Variants in NLRP2B observed in about 807,000 individuals in gnomAD.
NLRP2B encodes NLR family pyrin domain-containing protein 2B.
For synonymous variants in NLRP2B, 16 were observed against 3.5 expected (o/e 4.63, Z -4.03); for missense variants, 25 against 6.8 (o/e 3.70, Z -3.00).
rs906151181 is a variant in NLRP2B at position 57,678,339 on chromosome X, T to C, written c.*1784A>G. The C allele has an allele frequency of 2.6e-5, 14 of 535,952 alleles. No homozygotes were observed. Among genetic ancestry groups the C allele is most frequent in the Non-Finnish European group, 4.8e-5 (14 of 290,662 alleles). The allele number at this position is 535,952 out of a possible 1,213,427, so 44.2% of individuals were successfully genotyped here. The stretch of plus-strand genomic sequence containing the variant: ...AGTTTCGACAATGCTTGAGGCAGAT[T>C]GAAAACAGCATAATGTCTACTGCAT... On this transcript the variant is annotated 3_prime_UTR_variant, in exon 1 of 1. Transcript: ENST00000434992.
At position 57,678,693 on chromosome X, in the gene NLRP2B, G is replaced by C. The variant is rs766065358; in HGVS notation, c.*1430C>G. The C allele has an allele frequency of 3.5e-5, 14 of 398,543 alleles. No individual in the cohort carries two copies. Among genetic ancestry groups the C allele is most frequent in the African/African-American group, 7.6e-5 (3 of 39,410 alleles). 32.8% of individuals were successfully genotyped at this position (398,543 alleles called of 1,213,427 possible). On this transcript the variant is annotated 3_prime_UTR_variant, in exon 1 of 1. Coordinates refer to ENST00000434992, the MANE Select transcript of NLRP2B (RefSeq NM_001319967.1). ...CATTGTCCCAGGCGTGGCCGTCCTT[G>C]TCCTCCTCCTCCTCCTCCTCCTCCT...
At position 57,677,843 on chromosome X, in the gene NLRP2B, G is replaced by A. The variant is rs1014900264; in HGVS notation, c.*2280C>T. On this transcript the variant is annotated 3_prime_UTR_variant, in exon 1 of 1. Transcript: ENST00000434992. Reference sequence around the variant, plus strand: ...CATGTCAGGGACTGGTTGACTTCAAGGGCCAAGGAGAGATCAGCCCATTGC... The same window carrying A: ...CATGTCAGGGACTGGTTGACTTCAAAGGCCAAGGAGAGATCAGCCCATTGC... 2 of 426,445 alleles carry A rather than the reference G, an allele frequency of 4.7e-6. No homozygotes were observed. The highest frequency in any genetic ancestry group is 4.9e-5 in the African/African-American group (2 of 40,697). The allele number at this position is 426,445 out of a possible 1,213,427, so 35.1% of individuals were successfully genotyped here.
In NLRP2B at chrX:57,677,660, C is replaced by T. The variant is rs968691503; in HGVS notation, c.*2463G>A. 8.5e-5 allele frequency: 28 copies of T among 329,934 alleles called. No individual in the cohort carries two copies. Among genetic ancestry groups the T allele is most frequent in the African/African-American group, 4.2e-4 (16 of 37,822 alleles). 27.2% of individuals were successfully genotyped at this position (329,934 alleles called of 1,213,427 possible). ...GCCAAGCACAGGTGTGTCAGCTCCCCGCTGACAACCAAAACAGCAGCAAAG... is the reference window on the plus strand; with the variant it reads ...GCCAAGCACAGGTGTGTCAGCTCCCTGCTGACAACCAAAACAGCAGCAAAG... On this transcript the variant is annotated 3_prime_UTR_variant, in exon 1 of 1. Coordinates refer to ENST00000434992, the MANE Select transcript of NLRP2B (RefSeq NM_001319967.1).
At position 57,679,540 on chromosome X, in the gene NLRP2B, G is replaced by T. The variant is rs1223214946; in HGVS notation, c.*583C>A. 17 of 620,518 alleles carry T rather than the reference G, an allele frequency of 2.7e-5. No individual in the cohort carries two copies. In the East Asian group the frequency reaches 3.6e-4, roughly 13 times the overall value. The allele number at this position is 620,518 out of a possible 1,213,427, so 51.1% of individuals were successfully genotyped here. On this transcript the variant is annotated 3_prime_UTR_variant, in exon 1 of 1. Coordinates refer to ENST00000434992, the MANE Select transcript of NLRP2B (RefSeq NM_001319967.1). ...GAGCTCCTTGCAGGTGAGGTAGAAA[G>T]CCTATCTAAATTTCTGGCTGAGGTT...
chrX:57,678,456 C>T lies in NLRP2B; in HGVS notation c.*1667G>A, dbSNP rs765718741. On this transcript the variant is annotated 3_prime_UTR_variant, in exon 1 of 1. Coordinates refer to ENST00000434992, the MANE Select transcript of NLRP2B (RefSeq NM_001319967.1). ...CGTACAGACAGCACAAGAGCTCCTT[C>T]GGGTTCATCATTGTTGAGTGTCCAA... is the stretch of plus-strand genomic sequence containing the variant. The T allele has an allele frequency of 1.7e-4, 86 of 517,902 alleles. No homozygotes were observed. The highest frequency in any genetic ancestry group is 2.7e-4 in the Non-Finnish European group (76 of 281,754). The allele number at this position is 517,902 out of a possible 1,213,427, so 42.7% of individuals were successfully genotyped here.
In NLRP2B at chrX:57,680,223, G is replaced by A; in HGVS notation, c.38C>T (p.Ala13Val). Residue 13 changes from alanine to valine, a missense_variant, in exon 1 of 1, where the codon GCT becomes GTT. By Grantham distance (64) the Ala-to-Val change is moderately conservative (BLOSUM62 0). Coordinates refer to ENST00000434992, the MANE Select transcript of NLRP2B (RefSeq NM_001319967.1). Reference protein sequence around the residue: ...SSAQLDFNLQALLGQLSQDDL... With the variant: ...SSAQLDFNLQVLLGQLSQDDL... ...ATCCTGGCTGAGCTGTCCCAGAAGA[G>A]CCTGCAGGTTGAAGTCCAGCTGTGC... 2.6e-6 allele frequency: 1 copy of A among 377,726 alleles called. No individual in the cohort carries two copies. 31.1% of individuals were successfully genotyped at this position (377,726 alleles called of 1,213,427 possible). A position where few individuals can be genotyped will look rare whatever the true frequency, so the allele number is the denominator to read the frequency against.
rs1310559770 is a variant in NLRP2B, at chrX:57,677,274, C to A, written c.*2849G>T. ...CAAACAGCATCTTTACTCCACTAGA[C>A]CCCAAGGGATTCTGGCTCAGGTCCA... On this transcript the variant is annotated 3_prime_UTR_variant, in exon 1 of 1. Transcript: ENST00000434992. The A allele has an allele frequency of 2.6e-6, 1 of 386,900 alleles. No individual in the cohort carries two copies. The highest frequency in any genetic ancestry group is 2.6e-5 in the African/African-American group (1 of 38,868). The allele number at this position is 386,900 out of a possible 1,213,427, so 31.9% of individuals were successfully genotyped here.
In NLRP2B at chrX:57,677,203, T is replaced by G; in HGVS notation, c.*2920A>C. The G allele has an allele frequency of 8.0e-6, 3 of 375,513 alleles. No individual in the cohort carries two copies. Among genetic ancestry groups the G allele is most frequent in the Non-Finnish European group, 1.6e-5 (3 of 190,381 alleles). The allele number at this position is 375,513 out of a possible 1,213,427, so 30.9% of individuals were successfully genotyped here. A position where few individuals can be genotyped will look rare whatever the true frequency, so the allele number is the denominator to read the frequency against. ...GAGTTCAACATTAAAGTCATCTATTTTCAACCTGAGTGTCTGGAGGGTGCA... is the reference window on the plus strand; with the variant it reads ...GAGTTCAACATTAAAGTCATCTATTGTCAACCTGAGTGTCTGGAGGGTGCA... On this transcript the variant is annotated 3_prime_UTR_variant, in exon 1 of 1. Transcript: ENST00000434992.
In NLRP2B at chrX:57,678,690, C is replaced by T. The variant is rs773054261; in HGVS notation, c.*1433G>A. On this transcript the variant is annotated 3_prime_UTR_variant, in exon 1 of 1. Transcript: ENST00000434992. ...CTCCATTGTCCCAGGCGTGGCCGTC[C>T]TTGTCCTCCTCCTCCTCCTCCTCCT... 2.4e-5 allele frequency: 10 copies of T among 411,611 alleles called. No individual in the cohort carries two copies. In the African/African-American group the frequency reaches 2.5e-4, roughly 10 times the overall value. 33.9% of individuals were successfully genotyped at this position (411,611 alleles called of 1,213,427 possible).
In NLRP2B at chrX:57,678,724, A is replaced by G. The variant is rs770274033; in HGVS notation, c.*1399T>C. 2 of 396,236 alleles carry G rather than the reference A, an allele frequency of 5.0e-6. No homozygotes were observed. The highest frequency in any genetic ancestry group is 3.3e-5 in the Admixed American group (1 of 30,580). The allele number at this position is 396,236 out of a possible 1,213,427, so 32.7% of individuals were successfully genotyped here. A position where few individuals can be genotyped will look rare whatever the true frequency, so the allele number is the denominator to read the frequency against. On this transcript the variant is annotated 3_prime_UTR_variant, in exon 1 of 1. Transcript: ENST00000434992. The stretch of plus-strand genomic sequence containing the variant: ...CTCCTCCTCCTCCTCCTCCTTCTCC[A>G]GGGCGTGGAACAGCACAGTGAAAAA...
chrX:57,678,325 T>C lies in NLRP2B; in HGVS notation c.*1798A>G. 2 of 541,293 alleles carry C rather than the reference T, an allele frequency of 3.7e-6. No individual in the cohort carries two copies. The highest frequency in any genetic ancestry group is 3.4e-6 in the Non-Finnish European group (1 of 292,783). 44.6% of individuals were successfully genotyped at this position (541,293 alleles called of 1,213,427 possible). On this transcript the variant is annotated 3_prime_UTR_variant, in exon 1 of 1. Transcript: ENST00000434992. Reference sequence around the variant, plus strand: ...TGGCATTTTCTGCAAGTTTCGACAATGCTTGAGGCAGATTGAAAACAGCAT... The same window carrying C: ...TGGCATTTTCTGCAAGTTTCGACAACGCTTGAGGCAGATTGAAAACAGCAT...
chrX:57,679,208 G>T lies in NLRP2B; in HGVS notation c.*915C>A. 2.2e-6 allele frequency: 1 copy of T among 450,519 alleles called. No individual in the cohort carries two copies. The highest frequency in any genetic ancestry group is 4.1e-6 in the Non-Finnish European group (1 of 244,350). 37.1% of individuals were successfully genotyped at this position (450,519 alleles called of 1,213,427 possible). Reference sequence around the variant, plus strand: ...CCAGGAACTCCTCCACCCTTACATAGATCGGCCGCTCCACCAACAGCCGGA... The same window carrying T: ...CCAGGAACTCCTCCACCCTTACATATATCGGCCGCTCCACCAACAGCCGGA... On this transcript the variant is annotated 3_prime_UTR_variant, in exon 1 of 1. Coordinates refer to ENST00000434992, the MANE Select transcript of NLRP2B (RefSeq NM_001319967.1).
chrX:57,679,356 G>A lies in NLRP2B; in HGVS notation c.*767C>T. On this transcript the variant is annotated 3_prime_UTR_variant, in exon 1 of 1. Transcript: ENST00000434992. ...TCTGCTTCTCCCAGTCCCCACAGATGTCCTAGATCAGTGCCCCAGGTGGGG... is the reference window on the plus strand; with the variant it reads ...TCTGCTTCTCCCAGTCCCCACAGATATCCTAGATCAGTGCCCCAGGTGGGG... The A allele has an allele frequency of 4.7e-6, 3 of 639,175 alleles. No individual in the cohort carries two copies. Among genetic ancestry groups the A allele is most frequent in the Non-Finnish European group, 7.7e-6 (3 of 387,321 alleles). 52.7% of individuals were successfully genotyped at this position (639,175 alleles called of 1,213,427 possible).
chrX:57,679,674 G>A lies in NLRP2B; in HGVS notation c.*449C>T, dbSNP rs2011752861. On this transcript the variant is annotated 3_prime_UTR_variant, in exon 1 of 1. Coordinates refer to ENST00000434992, the MANE Select transcript of NLRP2B (RefSeq NM_001319967.1). ...GGCAGGGCCCGGGAAGCACCCTGGG[G>A]TTGCTGAACGGGATCAGCATCTTGT... The A allele has an allele frequency of 8.9e-6, 4 of 450,135 alleles. No homozygotes were observed. The South Asian group carries it at 1.2e-4, about 14-fold the overall frequency. 37.1% of individuals were successfully genotyped at this position (450,135 alleles called of 1,213,427 possible). A position where few individuals can be genotyped will look rare whatever the true frequency, so the allele number is the denominator to read the frequency against.
In NLRP2B at chrX:57,678,239, C is replaced by A; in HGVS notation, c.*1884G>T. 1 of 536,667 alleles carries A rather than the reference C, an allele frequency of 1.9e-6. No individual in the cohort carries two copies. Among genetic ancestry groups the A allele is most frequent in the Non-Finnish European group, 3.4e-6 (1 of 292,502 alleles). 44.2% of individuals were successfully genotyped at this position (536,667 alleles called of 1,213,427 possible). A position where few individuals can be genotyped will look rare whatever the true frequency, so the allele number is the denominator to read the frequency against. On this transcript the variant is annotated 3_prime_UTR_variant, in exon 1 of 1. Coordinates refer to ENST00000434992, the MANE Select transcript of NLRP2B (RefSeq NM_001319967.1). ...TGTTGATCATCCTGGGATCTCTCAA[C>A]TTCAGCATCTGATTCAGACACAGTG...
Position 57,679,334 on chromosome X carries a change from G to T in NLRP2B, c.*789C>A. On this transcript the variant is annotated 3_prime_UTR_variant, in exon 1 of 1. Coordinates refer to ENST00000434992, the MANE Select transcript of NLRP2B (RefSeq NM_001319967.1). ...CCCAAGAAGACCGGCACCGGCTTCT[G>T]CTTCTCCCAGTCCCCACAGATGTCC... 1 of 577,753 alleles carries T rather than the reference G, an allele frequency of 1.7e-6. No homozygotes were observed. Among genetic ancestry groups the T allele is most frequent in the East Asian group, 3.6e-5 (1 of 28,111 alleles). The allele number at this position is 577,753 out of a possible 1,213,427, so 47.6% of individuals were successfully genotyped here.
chrX:57,678,273 T>C lies in NLRP2B; in HGVS notation c.*1850A>G, dbSNP rs1174843613. ...CTGATTCAGACACAGTGACATTCTC[T>C]GGGAGCTTTGCCTTTGCTGCCTGCA... On this transcript the variant is annotated 3_prime_UTR_variant, in exon 1 of 1. Transcript: ENST00000434992. 3 of 538,375 alleles carry C rather than the reference T, an allele frequency of 5.6e-6. No individual in the cohort carries two copies. In the Admixed American group the frequency reaches 6.8e-5, roughly 12 times the overall value. 44.4% of individuals were successfully genotyped at this position (538,375 alleles called of 1,213,427 possible). A position where few individuals can be genotyped will look rare whatever the true frequency, so the allele number is the denominator to read the frequency against.
At position 57,677,648 on chromosome X, in the gene NLRP2B, G is replaced by T; in HGVS notation, c.*2475C>A. The T allele has an allele frequency of 3.0e-6, 1 of 328,617 alleles. No homozygotes were observed. Among genetic ancestry groups the T allele is most frequent in the Non-Finnish European group, 5.9e-6 (1 of 169,890 alleles). The allele number at this position is 328,617 out of a possible 1,213,427, so 27.1% of individuals were successfully genotyped here. ...GGGGGGTTCTTGGCCAAGCACAGGT[G>T]TGTCAGCTCCCCGCTGACAACCAAA... On this transcript the variant is annotated 3_prime_UTR_variant, in exon 1 of 1. Transcript: ENST00000434992.
In NLRP2B at chrX:57,678,805, C is replaced by A. The variant is rs980658000; in HGVS notation, c.*1318G>T. 2 of 379,538 alleles carry A rather than the reference C, an allele frequency of 5.3e-6. No homozygotes were observed. The highest frequency in any genetic ancestry group is 2.6e-5 in the African/African-American group (1 of 38,800). The allele number at this position is 379,538 out of a possible 1,213,427, so 31.3% of individuals were successfully genotyped here. A position where few individuals can be genotyped will look rare whatever the true frequency, so the allele number is the denominator to read the frequency against. The stretch of plus-strand genomic sequence containing the variant: ...GCAGCCTTTAGAGACTATGTCCTGG[C>A]GGAGGATGTCTCTGTCCAGGGACGG... On this transcript the variant is annotated 3_prime_UTR_variant, in exon 1 of 1. Transcript: ENST00000434992.
Sources: allele counts gnomAD v4.1 joint callset, GRCh38; gene constraint gnomAD v4.1.1; transcripts MANE v1.5; gene names NCBI Gene and HGNC (gene_info 2026-07-23, HGNC 2026-07-21).